SNORC: variants seen among roughly 807,000 people sequenced by gnomAD.
SNORC encodes the protein protein SNORC.
In SNORC, 11 loss-of-function variants were observed where a neutral mutation model predicts 9.7. That is an observed-to-expected ratio of 1.14 (90% CI 0.72 to 1.88). The LOEUF (loss-of-function observed/expected upper bound fraction) is 1.88, where lower values mean the gene tolerates loss of function less well. SNORC is among the 40% of genes most tolerant of loss of function. The probability of loss-of-function intolerance (pLI) is 0.00; values close to 1 mark genes in which losing one functional copy is unlikely to be tolerated. For synonymous variants in SNORC, 108 were observed against 88.7 expected (o/e 1.22, Z -1.22); for missense variants, 197 against 173.1 (o/e 1.14, Z -0.77).
At chr2:232,874,630 T>G (rs112423498) in intron 1 of SNORC, among the ~76,000 whole-genome samples, 97 of 152,378 alleles carry the variant, frequency 6.4e-4, no homozygotes, top group African/African-American at 2.1e-3. Flanking sequence ...GAAGGACCTC[T>G]GTGTCTTCTC....
At chr2:232,876,739 G>A, downstream of SNORC, 4 of 986,064 alleles carry the variant, frequency 4.1e-6, no homozygotes, top group Non-Finnish European at 4.8e-6. The surrounding 1 kb of genome is among the most constrained non-coding windows in gnomAD (Gnocchi z 6.8). Context: ...CAGGGCATCG[G>A]AGCGGGTGTG....
chr2:232,875,506 C>T, intron 1 of SNORC: 2 of 438,376 alleles, frequency 4.6e-6, no homozygotes, highest in Non-Finnish European at 4.7e-6. Flanking sequence ...GGATGGATGG[C>T]CCAGGGTTGG....
exon 1 of SNORC, chr2:232,870,394 T>C (rs772959887): frequency 1.3e-6 from 2 of 1,571,782 alleles, no homozygotes; most frequent in South Asian, 1.2e-5. Context: ...TCCGGGGTTC[T>C]GGCCCCTGCG....
intron 1 of SNORC, among the ~76,000 whole-genome samples, chr2:232,873,034 G>C (rs1458275827): frequency 6.6e-6 from 1 of 152,224 alleles, no homozygotes; most frequent in Non-Finnish European, 1.5e-5. Flanking sequence ...TGGGTACTGG[G>C]CCAGCCTGTG....
chr2:232,877,295 G>A (rs1210552820), downstream of SNORC: 23 of 985,472 alleles, frequency 2.3e-5, no homozygotes, highest in Admixed American at 5.5e-4. Flanking sequence ...CCCTCAGAGA[G>A]TCGGGGCGGA....
intron 1 of SNORC, 92 bp from the exon 2 acceptor site, chr2:232,875,848 G>A (rs1458205607): frequency 1.5e-6 from 2 of 1,337,308 alleles, no homozygotes; most frequent in African/African-American, 1.5e-5. Context: ...CTCACACAGC[G>A]CTACCGGCAA....
downstream of SNORC, chr2:232,876,584 C>T: frequency 8.8e-7 from 1 of 1,141,094 alleles, no homozygotes; most frequent in Non-Finnish European, 1.1e-6. This position sits in a 1 kb window ranked among gnomAD's most constrained non-coding sequence, Gnocchi z 6.8. Flanking sequence ...CGTGCGTGAG[C>T]GCACAGCATG....
intron 1 of SNORC, among the ~76,000 whole-genome samples, chr2:232,872,885 G>A (rs1372108235): frequency 6.6e-6 from 1 of 152,222 alleles, no homozygotes; most frequent in African/African-American, 2.4e-5. Context: ...GCCCCTCCCT[G>A]GCAGCGGCAC....
intron 1 of SNORC, among the ~76,000 whole-genome samples, chr2:232,872,539 A>C (rs1309166640): frequency 6.6e-6 from 1 of 152,182 alleles, no homozygotes; most frequent in Non-Finnish European, 1.5e-5. Flanking sequence ...GCGCGTAGCC[A>C]CACCACATGG....
chr2:232,867,296 A>G (rs541637329), upstream of SNORC, among the ~76,000 whole-genome samples: 35 of 152,344 alleles, frequency 2.3e-4, no homozygotes, highest in East Asian at 2.7e-3. Flanking sequence ...GGATATACCA[A>G]AGTGGTTACA....
At position 232,876,126 on chromosome 2, in the gene SNORC, CGGGCG is replaced by C; in HGVS notation, c.256+13_256+17del. On this transcript the variant is annotated splice_donor_5th_base_variant and intron_variant, in intron 2 of 2. Coordinates refer to ENST00000331342, the Ensembl canonical transcript of SNORC. The surrounding 1 kb of genome is among the most constrained non-coding windows in gnomAD (Gnocchi z 6.8). ...GAGCGGCTGGACCAGGGCGGCGGTACGGGCGGGGCGGGGGAGGGAGGGGAGAGGGA... is the reference window on the plus strand; with the variant it reads ...GAGCGGCTGGACCAGGGCGGCGGTACGGGCGGGGGAGGGAGGGGAGAGGGA... 9.9e-7 allele frequency: 1 copy of C among 1,010,600 alleles called. No individual in the cohort carries two copies. The highest frequency in any genetic ancestry group is 1.2e-6 in the Non-Finnish European group (1 of 835,682). The allele number at this position is 1,010,600 out of a possible 1,614,324, so 62.6% of individuals were successfully genotyped here. A position where few individuals can be genotyped will look rare whatever the true frequency, so the allele number is the denominator to read the frequency against.
chr2:232,866,694 C>T (rs75100979), upstream of SNORC, among the ~76,000 whole-genome samples: 74 of 152,108 alleles, frequency 4.9e-4, no homozygotes, highest in Non-Finnish European at 9.4e-4. Context: ...AAGGTCTGAA[C>T]ACCCTTTGAA....
downstream of SNORC, chr2:232,876,765 G>A (rs1028138650): frequency 5.1e-6 from 5 of 985,302 alleles, no homozygotes; most frequent in Middle Eastern, 5.2e-4. The surrounding 1 kb of genome is among the most constrained non-coding windows in gnomAD (Gnocchi z 6.8). Context: ...AGCGGTCTTA[G>A]CCCGTCCGGG....
At chr2:232,877,168 C>G (rs1329732348), downstream of SNORC, 1 of 985,512 alleles carries the variant, frequency 1.0e-6, no homozygotes, top group African/African-American at 1.7e-5. Context: ...GGACACGGCC[C>G]GCCCCTGCTT....
intron 1 of SNORC, among the ~76,000 whole-genome samples, chr2:232,871,619 G>A (rs1231249744): frequency 6.6e-6 from 1 of 152,210 alleles, no homozygotes; most frequent in Non-Finnish European, 1.5e-5. Context: ...AGCTGGGAGG[G>A]CGCCAGCCTC....
upstream of SNORC, among the ~76,000 whole-genome samples, chr2:232,869,408 T>G (rs1690941212): frequency 1.3e-5 from 2 of 152,072 alleles, no homozygotes; most frequent in African/African-American, 4.8e-5. Context: ...TAGGGGGCGC[T>G]GACAGAACTC....
At chr2:232,870,999 G>A (rs2592116) in intron 1 of SNORC, among the ~76,000 whole-genome samples, 94,244 of 152,064 alleles carry the variant, frequency 0.62, 29,493 homozygotes, top group East Asian at 0.66. Flanking sequence ...GGAGGCCTCT[G>A]GCAGGCTCCC....
upstream of SNORC, among the ~76,000 whole-genome samples, chr2:232,867,386 T>C (rs1690899518): frequency 1.3e-5 from 2 of 152,176 alleles, no homozygotes; most frequent in Admixed American, 1.3e-4. Flanking sequence ...GAGACAAGTT[T>C]TCCAAGTAGA....
chr2:232,870,239 A>C, upstream of SNORC: 1 of 1,113,732 alleles, frequency 9.0e-7, no homozygotes. Context: ...TGCATTGATG[A>C]AAACCCTTCC....
Sources: allele counts gnomAD v4.1 joint callset (sites outside exome capture counted in the v4.1 genomes callset), GRCh38; gene constraint gnomAD v4.1.1; non-coding constraint Gnocchi (gnomAD v3.1); transcripts MANE v1.5; gene names NCBI Gene and HGNC (gene_info 2026-07-23, HGNC 2026-07-21).